FKBP9: variants seen among roughly 807,000 people sequenced by gnomAD.
The protein encoded by FKBP9 is peptidyl-prolyl cis-trans isomerase FKBP9.
In FKBP9, 27 loss-of-function variants were observed where a neutral mutation model predicts 55.6. The ratio of observed to expected loss-of-function variants is 0.49; its 90% CI spans 0.36 to 0.67. The LOEUF is 0.67. FKBP9 is among the 30% of genes least tolerant of loss of function. The pLI is 0.00. For missense variants in FKBP9, 539 were observed against 742.8 expected, an observed-to-expected ratio of 0.73 and a Z score of 3.19; for synonymous variants, 267 against 296.5, an observed-to-expected ratio of 0.90 and a Z score of 1.02.
intron 1 of FKBP9, among the ~76,000 whole-genome samples, chr7:32,964,994 C>T (rs1784104681): frequency 6.6e-6 from 1 of 152,204 alleles, no homozygotes; most frequent in Admixed American, 6.5e-5. Context: ...CAAGCAGGTC[C>T]CCTGTGAGTC....
At chr7:32,966,152 C>T (rs1199376438) in intron 1 of FKBP9, among the ~76,000 whole-genome samples, 1 of 127,048 alleles carries the variant, frequency 7.9e-6, no homozygotes, top group Non-Finnish European at 1.6e-5. Flanking sequence ...AAGATCGTGC[C>T]ACTGCACTCC....
Position 33,006,184 on chromosome 7 carries a change from CT to C in FKBP9, c.*834del, listed in dbSNP as rs1350771392. 2 of 186,664 alleles carry C rather than the reference CT, an allele frequency of 1.1e-5. No homozygotes were observed. Among genetic ancestry groups the C allele is most frequent in the Admixed American group, 7.3e-5 (1 of 13,760 alleles). The allele number at this position is 186,664 out of a possible 1,614,324, so 11.6% of individuals were successfully genotyped here. On this transcript the variant is annotated 3_prime_UTR_variant, in exon 10 of 10. Transcript: ENST00000242209. ...CCATCTCGGCTCACTGCAGCACTGTCTCGGCTCACTGCAGCCTCCGCCTCCC... is the reference window on the plus strand; with the variant it reads ...CCATCTCGGCTCACTGCAGCACTGTCCGGCTCACTGCAGCCTCCGCCTCCC...
At chr7:32,971,629 T>C (rs1180776692) in intron 1 of FKBP9, among the ~76,000 whole-genome samples, 1 of 152,150 alleles carries the variant, frequency 6.6e-6, no homozygotes, top group Non-Finnish European at 1.5e-5. Flanking sequence ...CACATGCACA[T>C]ACCGCCATGC....
intron 8 of FKBP9, among the ~76,000 whole-genome samples, chr7:33,001,073 G>A (rs1206576737): frequency 6.6e-6 from 1 of 152,132 alleles, no homozygotes; most frequent in Non-Finnish European, 1.5e-5. Flanking sequence ...CACTGTGCCT[G>A]GCCCCAGGAA....
intron 5 of FKBP9, among the ~76,000 whole-genome samples, chr7:32,987,728 G>A (rs538030573): frequency 1.9e-3 from 288 of 152,152 alleles, no homozygotes; most frequent in African/African-American, 6.2e-3. Context: ...CAACCTCTCC[G>A]GCACAAGCAG....
chr7:32,976,087 G>C (rs1311179300), intron 3 of FKBP9, among the ~76,000 whole-genome samples: 1 of 152,186 alleles, frequency 6.6e-6, no homozygotes, highest in African/African-American at 2.4e-5. Flanking sequence ...GGAACCCTTC[G>C]CAATTTCTTC....
intron 1 of FKBP9, among the ~76,000 whole-genome samples, chr7:32,968,105 C>G (rs1222318001): frequency 6.6e-6 from 1 of 152,210 alleles, no homozygotes; most frequent in East Asian, 1.9e-4. Flanking sequence ...GTGGCATGAT[C>G]ACAGCTTACT....
Position 32,976,263 on chromosome 7 carries a change from G to T in FKBP9, c.558-91G>T. 5.4e-6 allele frequency: 8 copies of T among 1,472,796 alleles called. No homozygotes were observed. The South Asian group carries it at 9.2e-5, about 17-fold the overall frequency. The allele number at this position is 1,472,796 out of a possible 1,614,324, so 91.2% of individuals were successfully genotyped here. A position where few individuals can be genotyped will look rare whatever the true frequency, so the allele number is the denominator to read the frequency against. On this transcript the variant is annotated intron_variant, in intron 3 of 9. Coordinates refer to ENST00000242209, the MANE Select transcript of FKBP9 (RefSeq NM_007270.5). Reference sequence around the variant, plus strand: ...AGGATGGGTATGGGATCATCGTTTAGCTGATATTTGGGTAAGAAAAACCGT... The same window carrying T: ...AGGATGGGTATGGGATCATCGTTTATCTGATATTTGGGTAAGAAAAACCGT...
Position 32,983,998 on chromosome 7 carries a change from T to G in FKBP9, c.893+3445T>G, listed in dbSNP as rs1196000609. ...TATTATTAAAAACATTTTCCTCAAT[T>G]TATTTGTTTGTTAATTTTGGTTATG... On this transcript the variant is annotated intron_variant, in intron 5 of 9. Transcript: ENST00000242209. Among the ~76,000 whole-genome samples, 8 of 152,168 alleles carry G rather than the reference T, an allele frequency of 5.3e-5. No individual in the cohort carries two copies. The East Asian group carries it at 7.7e-4, about 15-fold the overall frequency.
At chr7:32,992,081 T>G (rs1258287500) in intron 6 of FKBP9, among the ~76,000 whole-genome samples, 2 of 152,094 alleles carry the variant, frequency 1.3e-5, no homozygotes, top group African/African-American at 4.8e-5. Flanking sequence ...CTGACCCATA[T>G]GTGTCCTAGA....
intron 9 of FKBP9, among the ~76,000 whole-genome samples, chr7:33,003,213 G>C (rs1028024373): frequency 6.6e-5 from 10 of 152,246 alleles, no homozygotes; most frequent in African/African-American, 2.4e-4. Context: ...ACTTGTCCAA[G>C]GTCACACATC....
chr7:32,990,342 G>C (rs1199761284), intron 6 of FKBP9, among the ~76,000 whole-genome samples: 6 of 152,140 alleles, frequency 3.9e-5, no homozygotes, highest in Admixed American at 1.3e-4. Flanking sequence ...GCCCCGAGAG[G>C]CTGGAAAAGA....
chr7:32,974,580 A>G (rs1006598918), intron 1 of FKBP9, 37 bp from the exon 2 acceptor site: 1 of 1,590,910 alleles, frequency 6.3e-7, no homozygotes, highest in East Asian at 2.2e-5. Flanking sequence ...GACTATTTAT[A>G]CTTTTCTTTC....
intron 5 of FKBP9, among the ~76,000 whole-genome samples, chr7:32,984,485 C>T (rs905520984): frequency 1.3e-5 from 2 of 152,140 alleles, no homozygotes; most frequent in South Asian, 2.1e-4. Flanking sequence ...ATCAAACTCC[C>T]GGCCTCAAGT....
chr7:32,965,880 T>G lies in FKBP9; in HGVS notation c.221+8086T>G, dbSNP rs1383463540. On this transcript the variant is annotated intron_variant, in intron 1 of 9. Coordinates refer to ENST00000242209, the MANE Select transcript of FKBP9 (RefSeq NM_007270.5). ...ATATATATATATACATACATATATA[T>G]ATATAGAGAGAGAGAGAGAGAGCCA... Among the ~76,000 whole-genome samples, 521 of 102,996 alleles carry G rather than the reference T, an allele frequency of 5.1e-3. 10 individuals carry two copies. Among genetic ancestry groups the G allele is most frequent in the African/African-American group, 8.8e-3 (198 of 22,380 alleles). The allele number at this position is 102,996 out of a possible 152,430, so 67.6% of individuals were successfully genotyped here.
chr7:32,991,240 A>G (rs1354188309), intron 6 of FKBP9, among the ~76,000 whole-genome samples: 5 of 152,102 alleles, frequency 3.3e-5, no homozygotes, highest in Non-Finnish European at 5.9e-5. Flanking sequence ...AGAGCTCTGC[A>G]AAGAATTATA....
At chr7:32,979,574 C>T in intron 4 of FKBP9, 1 of 1,549,360 alleles carries the variant, frequency 6.5e-7, no homozygotes, top group Non-Finnish European at 8.7e-7. Flanking sequence ...CATGATATAA[C>T]AAATGGCAGG....
intron 1 of FKBP9, among the ~76,000 whole-genome samples, chr7:32,967,143 T>C (rs552985729): frequency 2.6e-5 from 4 of 152,302 alleles, no homozygotes; most frequent in African/African-American, 9.6e-5. Context: ...TCAGGTGTGA[T>C]AGCAGCATTC....
At chr7:32,996,653 CCTTCCTTG>C (rs1562574945) in intron 7 of FKBP9, among the ~76,000 whole-genome samples, 1 of 141,070 alleles carries the variant, frequency 7.1e-6, no homozygotes, top group African/African-American at 2.6e-5. Flanking sequence ...TTCCTTCCTT[CCTTCCTTG>C]CTCCCTCCCT....
Sources: gnomAD v4.1 joint callset for allele counts (sites outside exome capture counted in the v4.1 genomes callset) on GRCh38, gnomAD v4.1.1 for gene constraint, MANE v1.5 for transcripts, NCBI Gene and HGNC (gene_info 2026-07-23, HGNC 2026-07-21) for gene names.